The following ZNF827 variants were observed in gnomAD, a reference collection of about 807,000 sequenced individuals.
The protein encoded by ZNF827 is zinc finger protein 827.
Under a neutral mutation model 102.4 loss-of-function variants are expected in ZNF827, and 13 were observed. That is an observed-to-expected ratio of 0.13 (90% confidence interval 0.08 to 0.20). The LOEUF (loss-of-function observed/expected upper bound fraction) is 0.20. Ranked by LOEUF, ZNF827 falls within the 10% of genes least tolerant of loss-of-function variation. The pLI is 1.00. For missense variants in ZNF827, 1,103 were observed against 1,344.4 expected (o/e 0.82, Z 2.81); for synonymous variants, 523 against 536.2 (o/e 0.98, Z 0.34).
chr4:145,846,061 C>A (rs1373113670), intron 6 of ZNF827, 48 bp from the exon 7 acceptor site: 1 of 1,584,034 alleles, frequency 6.3e-7, no homozygotes, highest in African/African-American at 1.3e-5. Context: ...TGTTCTCACT[C>A]AACTTGCATC....
intron 1 of ZNF827, among the ~76,000 whole-genome samples, chr4:145,931,263 T>C (rs1356994788): frequency 6.6e-6 from 1 of 152,238 alleles, no homozygotes; most frequent in Non-Finnish European, 1.5e-5. Context: ...TAAAGTGTTG[T>C]ACACTTAGCC....
chr4:145,849,259 G>T, intron 6 of ZNF827, 63 bp downstream of exon 6: 1 of 1,556,826 alleles, frequency 6.4e-7, no homozygotes, highest in South Asian at 1.2e-5. Flanking sequence ...AAAAAAAACT[G>T]TGTTAGAAGG....
chr4:145,774,134 A>C (rs1194096000), intron 11 of ZNF827, among the ~76,000 whole-genome samples: 2 of 152,166 alleles, frequency 1.3e-5, no homozygotes, highest in Non-Finnish European at 2.9e-5. Flanking sequence ...TGATAATAAT[A>C]GTATTCACTT....
chr4:145,931,140 A>G (rs151034970), intron 1 of ZNF827, among the ~76,000 whole-genome samples: 74 of 152,356 alleles, frequency 4.9e-4, no homozygotes, highest in African/African-American at 1.6e-3. Flanking sequence ...AGAAGGGAGA[A>G]AGCAGCCAGA....
chr4:145,905,175 G>A (rs1751745382), intron 1 of ZNF827, among the ~76,000 whole-genome samples: 1 of 152,190 alleles, frequency 6.6e-6, no homozygotes, highest in South Asian at 2.1e-4. Flanking sequence ...ATTCCACACT[G>A]TGCCTAGCAC....
In ZNF827 at chr4:145,758,183, C is replaced by T. The variant is rs923248501; in HGVS notation, c.*3433G>A. On this transcript the variant is annotated 3_prime_UTR_variant, in exon 15 of 15. Transcript: ENST00000508784. The stretch of plus-strand genomic sequence containing the variant: ...TCACTCAGAAAACTTTTATAATTTA[C>T]CAGAAAGATTGATGACTCTTTCCAA... 1 of 152,106 alleles carries T rather than the reference C, an allele frequency of 6.6e-6. No homozygotes were observed. The highest frequency in any genetic ancestry group is 1.5e-5 in the Non-Finnish European group (1 of 68,024). The allele number at this position is 152,106 out of a possible 1,614,324, so 9.4% of individuals were successfully genotyped here.
chr4:145,882,349 C>T (rs1179512001), intron 4 of ZNF827, among the ~76,000 whole-genome samples: 3 of 152,194 alleles, frequency 2.0e-5, no homozygotes, highest in Admixed American at 2.0e-4. Flanking sequence ...CCATACTATT[C>T]CCTGAATCAA....
At chr4:145,791,268 G>A (rs1313499105) in intron 8 of ZNF827, among the ~76,000 whole-genome samples, 1 of 152,220 alleles carries the variant, frequency 6.6e-6, no homozygotes, top group Non-Finnish European at 1.5e-5. Flanking sequence ...CATGGCAGAA[G>A]AGGCAAGGGG....
intron 4 of ZNF827, among the ~76,000 whole-genome samples, chr4:145,884,913 G>T (rs924916984): frequency 1.3e-5 from 2 of 151,890 alleles, no homozygotes; most frequent in Admixed American, 6.6e-5. Flanking sequence ...CCTATAGTCA[G>T]ATTCAAAGAC....
chr4:145,841,511 C>T (rs563696113), intron 7 of ZNF827, among the ~76,000 whole-genome samples: 3 of 152,320 alleles, frequency 2.0e-5, no homozygotes, highest in African/African-American at 7.2e-5. Context: ...CTTCTGTTCT[C>T]ATGGGTCTGG....
intron 8 of ZNF827, among the ~76,000 whole-genome samples, chr4:145,793,553 A>G (rs1213860495): frequency 1.3e-5 from 2 of 151,416 alleles, no homozygotes; most frequent in African/African-American, 4.9e-5. Flanking sequence ...TGCCTGCTTT[A>G]TATTTGCTGG....
At chr4:145,806,637 G>A (rs1411063240) in intron 8 of ZNF827, among the ~76,000 whole-genome samples, 1 of 151,958 alleles carries the variant, frequency 6.6e-6, no homozygotes, top group East Asian at 1.9e-4. Flanking sequence ...GAAAGTTAAG[G>A]ACAGGTTTGT....
chr4:145,892,226 G>A lies in ZNF827; in HGVS notation c.1266+17C>T. 6.3e-7 allele frequency: 1 copy of A among 1,594,394 alleles called. No homozygotes were observed. Among genetic ancestry groups the A allele is most frequent in the Non-Finnish European group, 8.6e-7 (1 of 1,166,756 alleles). ...TGTGCCTGCCTCTCCAGGAGGTGCAGTCGGTAGGTGGCTTACCTTCATGTG... is the reference window on the plus strand; with the variant it reads ...TGTGCCTGCCTCTCCAGGAGGTGCAATCGGTAGGTGGCTTACCTTCATGTG... On this transcript the variant is annotated intron_variant, in intron 3 of 14. Coordinates refer to ENST00000508784, the MANE Select transcript of ZNF827 (RefSeq NM_001306215.2).
chr4:145,844,690 AAATAAAT>A (rs1745760305), intron 7 of ZNF827, among the ~76,000 whole-genome samples: 5 of 89,554 alleles, frequency 5.6e-5, no homozygotes, highest in African/African-American at 2.0e-4. Context: ...ATAAATAAAT[AAATAAAT>A]AAATAAATAA....
chr4:145,932,105 G>T (rs897367850), intron 1 of ZNF827, among the ~76,000 whole-genome samples: 1 of 152,186 alleles, frequency 6.6e-6, no homozygotes, highest in African/African-American at 2.4e-5. Context: ...TTGAAGCAGA[G>T]ATTGAGCCCT....
chr4:145,796,271 TAAA>T (rs1740369028), intron 8 of ZNF827, among the ~76,000 whole-genome samples: 2 of 152,208 alleles, frequency 1.3e-5, no homozygotes, highest in Admixed American at 1.3e-4. Context: ...TAATTGTTCC[TAAA>T]ACAAACACAC....
chr4:145,932,914 G>A (rs1478775243), intron 1 of ZNF827, among the ~76,000 whole-genome samples: 3 of 152,098 alleles, frequency 2.0e-5, no homozygotes, highest in South Asian at 2.1e-4. Context: ...ATTTCCCTTC[G>A]AACTCTCCTA....
chr4:145,924,142 T>G (rs1753264762), intron 1 of ZNF827, among the ~76,000 whole-genome samples: 1 of 152,134 alleles, frequency 6.6e-6, no homozygotes, highest in South Asian at 2.1e-4. Flanking sequence ...AACACCAAGG[T>G]GCAGAACACA....
At position 145,902,692 on chromosome 4, in the gene ZNF827, A is replaced by C; in HGVS notation, c.567T>G (p.Phe189Leu). The change falls in exon 2 of 15, where the codon TTT (phenylalanine) becomes TTG (leucine). Residue 189 changes from phenylalanine (F) to leucine (L), a missense_variant. Physicochemically the swap from Phe to Leu is conservative, Grantham distance 22. Coordinates refer to ENST00000508784, the MANE Select transcript of ZNF827 (RefSeq NM_001306215.2). The surrounding 1 kb of genome is among the most constrained non-coding windows in gnomAD (Gnocchi z 4.3). ...QNDQYTPSNRFIWNQGKWLPN... is the reference protein window; with the variant it reads ...QNDQYTPSNRLIWNQGKWLPN... ...GCAACCACTTACCTTGATTCCATATAAAACGGTTACTTGGAGTGTATTGGT... is the reference window on the plus strand; with the variant it reads ...GCAACCACTTACCTTGATTCCATATCAAACGGTTACTTGGAGTGTATTGGT... The C allele has an allele frequency of 1.9e-6, 3 of 1,613,988 alleles. No homozygotes were observed. The highest frequency in any genetic ancestry group is 2.5e-6 in the Non-Finnish European group (3 of 1,180,032).
Sources: gnomAD v4.1 joint callset for allele counts (sites outside exome capture counted in the v4.1 genomes callset) on GRCh38, gnomAD v4.1.1 for gene constraint, Gnocchi (gnomAD v3.1) non-coding constraint, MANE v1.5 for transcripts, NCBI Gene and HGNC (gene_info 2026-07-23, HGNC 2026-07-21) for gene names.